IL1RAP: variants seen among roughly 807,000 people sequenced by gnomAD.
The protein encoded by IL1RAP is interleukin-1 receptor accessory protein.
Under a neutral mutation model 60.7 loss-of-function variants are expected in IL1RAP, and 35 were observed. The ratio of observed to expected loss-of-function variants is 0.58; its 90% CI spans 0.44 to 0.76. The LOEUF (loss-of-function observed/expected upper bound fraction) is 0.76. IL1RAP is among the 30% of genes least tolerant of loss of function. The pLI, the probability that IL1RAP is intolerant of heterozygous loss-of-function variation, is 0.00. For synonymous variants in IL1RAP, 268 were observed against 250.9 expected (o/e 1.07, Z -0.64); for missense variants, 572 against 693.9 (o/e 0.82, Z 1.97).
intron 1 of IL1RAP, among the ~76,000 whole-genome samples, chr3:190,553,452 G>C (rs1373244235): frequency 6.6e-6 from 1 of 152,060 alleles, no homozygotes; most frequent in Non-Finnish European, 1.5e-5. Context: ...TTTTTTTAAT[G>C]CCTGGGAAGA....
At chr3:190,656,655 A>G (rs766093605) in exon 12 of IL1RAP, 2 of 1,105,308 alleles carry the variant, frequency 1.8e-6, no homozygotes, top group Middle Eastern at 2.0e-4. Flanking sequence ...AACCCTCTGT[A>G]TGTCATGAAC....
intron 1 of IL1RAP, among the ~76,000 whole-genome samples, chr3:190,514,422 T>C (rs370677239): frequency 1.1e-4 from 16 of 152,280 alleles, no homozygotes; most frequent in South Asian, 6.2e-4. Context: ...CAGAGACCCA[T>C]CTTTGCTTTG....
At chr3:190,534,921 A>T (rs1723304754) in intron 1 of IL1RAP, among the ~76,000 whole-genome samples, 2 of 116,068 alleles carry the variant, frequency 1.7e-5, no homozygotes, top group Admixed American at 8.4e-5. Context: ...ATTAAAAAAA[A>T]AAAAAAAAAA....
At position 190,603,995 on chromosome 3, in the gene IL1RAP, A is replaced by G. The variant is rs1730074316; in HGVS notation, c.65-133A>G. ...GGTGCCTACTGTATGCAATTATTAG[A>G]GGGAGGCTGGAAGATGACCAGAGAA... On this transcript the variant is annotated intron_variant, in intron 3 of 11. Transcript: ENST00000447382. 3.7e-6 allele frequency: 3 copies of G among 813,380 alleles called. No homozygotes were observed. In the Admixed American group the frequency reaches 8.7e-5, roughly 23 times the overall value. 50.4% of individuals were successfully genotyped at this position (813,380 alleles called of 1,614,324 possible). A position where few individuals can be genotyped will look rare whatever the true frequency, so the allele number is the denominator to read the frequency against.
chr3:190,563,653 G>A (rs140648105), intron 2 of IL1RAP: 21 of 152,156 alleles, frequency 1.4e-4, no homozygotes, highest in African/African-American at 4.3e-4. Flanking sequence ...AGGAGAGCAC[G>A]AACAGCAGGA....
intron 1 of IL1RAP, among the ~76,000 whole-genome samples, chr3:190,549,438 CCTCAGAGGCCTA>C (rs1299347562): frequency 6.6e-6 from 1 of 152,066 alleles, no homozygotes; most frequent in Non-Finnish European, 1.5e-5. Flanking sequence ...GTCAGAGCTC[CCTCAGAGGCCTA>C]TGTAAGGGTC....
At chr3:190,575,224 A>T (rs1727333009) in intron 3 of IL1RAP, among the ~76,000 whole-genome samples, 2 of 152,162 alleles carry the variant, frequency 1.3e-5, no homozygotes, top group Non-Finnish European at 2.9e-5. Flanking sequence ...CTTTGTACGT[A>T]GGGTAGGCAA....
At chr3:190,516,624 C>T (rs373096261) in intron 1 of IL1RAP, among the ~76,000 whole-genome samples, 1 of 152,148 alleles carries the variant, frequency 6.6e-6, no homozygotes, top group Non-Finnish European at 1.5e-5. Context: ...GTTTTGTGGT[C>T]AGACCTACTT....
At chr3:190,552,407 C>G (rs1218785508) in intron 1 of IL1RAP, among the ~76,000 whole-genome samples, 2 of 152,162 alleles carry the variant, frequency 1.3e-5, no homozygotes, top group Non-Finnish European at 2.9e-5. Flanking sequence ...AATTTTTACA[C>G]TCCTTCTACT....
At chr3:190,621,535 T>C (rs1731780865) in intron 6 of IL1RAP, among the ~76,000 whole-genome samples, 1 of 152,178 alleles carries the variant, frequency 6.6e-6, no homozygotes, top group Non-Finnish European at 1.5e-5. Context: ...TTTGGGGAAG[T>C]TGGGAATAAG....
chr3:190,519,453 T>C (rs748491822), intron 1 of IL1RAP, among the ~76,000 whole-genome samples: 1 of 152,182 alleles, frequency 6.6e-6, no homozygotes, highest in Admixed American at 6.5e-5. Flanking sequence ...GAGAGACTTA[T>C]AGACTTGCCC....
intron 1 of IL1RAP, among the ~76,000 whole-genome samples, chr3:190,529,433 A>G (rs1722791751): frequency 1.3e-5 from 2 of 152,058 alleles, no homozygotes; most frequent in South Asian, 4.1e-4. Context: ...CATGCCTGTA[A>G]TCCCAGCACT....
chr3:190,531,448 A>G (rs1473231021), intron 1 of IL1RAP, among the ~76,000 whole-genome samples: 1 of 152,150 alleles, frequency 6.6e-6, no homozygotes, highest in African/African-American at 2.4e-5. Context: ...GGTAAAGAGG[A>G]AAGGGTTCTT....
intron 9 of IL1RAP, among the ~76,000 whole-genome samples, chr3:190,632,078 C>T (rs1732836094): frequency 6.6e-6 from 1 of 152,192 alleles, no homozygotes; most frequent in Non-Finnish European, 1.5e-5. Flanking sequence ...GCTGGGATTA[C>T]AGGTGTGAGC....
intron 3 of IL1RAP, among the ~76,000 whole-genome samples, chr3:190,565,885 T>C (rs1434840884): frequency 1.3e-5 from 2 of 152,166 alleles, no homozygotes; most frequent in Non-Finnish European, 2.9e-5. Flanking sequence ...CCAGTCACTC[T>C]CTCTCCCTCC....
chr3:190,541,006 G>A (rs1385271581), intron 1 of IL1RAP, among the ~76,000 whole-genome samples: 1 of 152,090 alleles, frequency 6.6e-6, no homozygotes, highest in African/African-American at 2.4e-5. Context: ...CATGTTAGCT[G>A]ATTGGTTTTG....
intron 3 of IL1RAP, among the ~76,000 whole-genome samples, chr3:190,569,079 G>C (rs976199655): frequency 3.3e-5 from 5 of 152,254 alleles, no homozygotes; most frequent in African/African-American, 1.2e-4. Flanking sequence ...AATAGTTCAG[G>C]GCAACTCAAA....
intron 9 of IL1RAP, among the ~76,000 whole-genome samples, chr3:190,634,721 TGTTG>T (rs1260372104): frequency 2.1e-5 from 3 of 140,856 alleles, no homozygotes; most frequent in Admixed American, 1.4e-4. Context: ...TTTTTTTTGT[TGTTG>T]TTTTTTTTGA....
In IL1RAP at chr3:190,531,203, A is replaced by G. The variant is rs544201391; in HGVS notation, c.-89+16984A>G. On this transcript the variant is annotated intron_variant, in intron 1 of 11. Coordinates refer to ENST00000447382, the MANE Select transcript of IL1RAP (RefSeq NM_002182.4). ...AAGTTTGAGGTTACAGTGAGTCTGG[A>G]CTGTGCCACCGTACTCTAGCCTGAG... is the stretch of plus-strand genomic sequence containing the variant. Among the ~76,000 whole-genome samples, 8 of 152,106 alleles carry G rather than the reference A, an allele frequency of 5.3e-5. No individual in the cohort carries two copies. In the East Asian group the frequency reaches 1.4e-3, roughly 26 times the overall value.
Sources: gnomAD v4.1 joint callset for allele counts (sites outside exome capture counted in the v4.1 genomes callset) on GRCh38, gnomAD v4.1.1 for gene constraint, MANE v1.5 for transcripts, NCBI Gene and HGNC (gene_info 2026-07-23, HGNC 2026-07-21) for gene names.